The following DLGAP1 variants were observed in gnomAD, a reference collection of about 807,000 sequenced individuals.
DLGAP1 encodes DLG associated protein 1.
DLGAP1 carries 11 observed loss-of-function variants against 90.8 expected under a neutral mutation model. The observed-to-expected ratio is 0.12, with a 90% CI of 0.08 to 0.20. DLGAP1 has a LOEUF of 0.20. Among genes scored for constraint, DLGAP1 ranks in the 10% least tolerant of loss-of-function variants. The pLI is 1.00. For missense variants in DLGAP1, 1,050 were observed against 1,333.8 expected, an observed-to-expected ratio of 0.79 and a Z score of 3.31; for synonymous variants, 558 against 540.7, an observed-to-expected ratio of 1.03 and a Z score of -0.44.
At position 4,455,272 on chromosome 18, in the gene DLGAP1, C is replaced by G. The variant is rs1203511495; in HGVS notation, c.-533G>C. The G allele has an allele frequency of 6.6e-6, 1 of 152,560 alleles. No homozygotes were observed. The highest frequency in any genetic ancestry group is 1.5e-5 in the Non-Finnish European group (1 of 68,606). The allele number at this position is 152,560 out of a possible 1,614,324, so 9.5% of individuals were successfully genotyped here. A position where few individuals can be genotyped will look rare whatever the true frequency, so the allele number is the denominator to read the frequency against. ...TCGCCTCTGGAGCGGAGGCTGAGCG[C>G]CGGGACGCGGCGGGCTGGGGCTGCA... On this transcript the variant is annotated 5_prime_UTR_variant, in exon 1 of 13. Transcript: ENST00000315677.
At chr18:3,643,850 G>C (rs2059027705) in intron 7 of DLGAP1, among the ~76,000 whole-genome samples, 2 of 152,088 alleles carry the variant, frequency 1.3e-5, no homozygotes, top group Non-Finnish European at 2.9e-5. Flanking sequence ...CAACAGTGCT[G>C]GTGGCACTCC....
chr18:4,038,683 A>G (rs1202869227), intron 2 of DLGAP1, among the ~76,000 whole-genome samples: 1 of 152,074 alleles, frequency 6.6e-6, no homozygotes, highest in African/African-American at 2.4e-5. Flanking sequence ...TATTTTCAAA[A>G]TATGTTCTGG....
intron 3 of DLGAP1, among the ~76,000 whole-genome samples, chr18:3,893,867 C>T (rs1448761306): frequency 2.6e-5 from 4 of 152,152 alleles, no homozygotes; most frequent in African/African-American, 9.6e-5. Flanking sequence ...TTCTCCATAT[C>T]CTTGCCAACG....
At chr18:4,127,093 A>T (rs2076244011) in intron 2 of DLGAP1, among the ~76,000 whole-genome samples, 1 of 152,192 alleles carries the variant, frequency 6.6e-6, no homozygotes, top group African/African-American at 2.4e-5. Context: ...AAGAATAACT[A>T]TATCATTTCA....
intron 8 of DLGAP1, among the ~76,000 whole-genome samples, chr18:3,574,474 T>A (rs2145251183): frequency 6.6e-6 from 1 of 152,332 alleles, no homozygotes; most frequent in African/African-American, 2.4e-5. Context: ...TATTTAGATG[T>A]TTTAATATTT....
At chr18:4,215,160 G>A (rs1038273056) in intron 1 of DLGAP1, among the ~76,000 whole-genome samples, 1 of 152,048 alleles carries the variant, frequency 6.6e-6, no homozygotes, top group African/African-American at 2.4e-5. Context: ...ATAGAGCCAA[G>A]AAAGTGATAA....
chr18:3,675,806 G>C (rs1477570009), intron 7 of DLGAP1, among the ~76,000 whole-genome samples: 2 of 152,128 alleles, frequency 1.3e-5, no homozygotes, highest in South Asian at 4.1e-4. Context: ...CTCCTTTGTA[G>C]CATTTGCTGT....
chr18:4,413,538 C>G (rs555570559), intron 1 of DLGAP1, among the ~76,000 whole-genome samples: 3 of 152,180 alleles, frequency 2.0e-5, no homozygotes, highest in Admixed American at 1.3e-4. Context: ...TATTCTGCCA[C>G]GAGGGCTCCC....
chr18:4,039,719 C>T (rs1352534144), intron 2 of DLGAP1, among the ~76,000 whole-genome samples: 1 of 152,102 alleles, frequency 6.6e-6, no homozygotes, highest in Non-Finnish European at 1.5e-5. Flanking sequence ...GGTGATAACA[C>T]TAACTTATTT....
chr18:3,524,212 C>G (rs1046650534), intron 10 of DLGAP1, among the ~76,000 whole-genome samples: 3 of 151,572 alleles, frequency 2.0e-5, no homozygotes, highest in Non-Finnish European at 4.4e-5. Flanking sequence ...GCAGTTAAGT[C>G]TGCAGTAAGC....
chr18:3,751,179 C>T (rs554319139), intron 5 of DLGAP1, among the ~76,000 whole-genome samples: 5 of 152,216 alleles, frequency 3.3e-5, no homozygotes, highest in Admixed American at 1.3e-4. Context: ...TCCTTTATGC[C>T]GGGCACTGTC....
intron 9 of DLGAP1, among the ~76,000 whole-genome samples, chr18:3,557,922 C>T (rs570388717): frequency 4.7e-5 from 7 of 149,984 alleles, no homozygotes; most frequent in East Asian, 3.9e-4. Flanking sequence ...AGTGAGACTT[C>T]GTCTCACAAA....
intron 7 of DLGAP1, among the ~76,000 whole-genome samples, chr18:3,674,343 G>A (rs1296412387): frequency 6.9e-6 from 1 of 145,580 alleles, no homozygotes; most frequent in Non-Finnish European, 1.5e-5. Flanking sequence ...CCATGGCCAA[G>A]TGTGGTGGCT....
intron 7 of DLGAP1, among the ~76,000 whole-genome samples, chr18:3,613,653 C>T (rs1316770733): frequency 6.6e-6 from 1 of 152,170 alleles, no homozygotes; most frequent in African/African-American, 2.4e-5. Flanking sequence ...CCCACAGTGT[C>T]CAGTGCCCAG....
At chr18:4,293,389 T>C (rs1027489429) in intron 1 of DLGAP1, 8 of 152,246 alleles carry the variant, frequency 5.3e-5, no homozygotes, top group African/African-American at 1.9e-4. Context: ...AATTCAATGA[T>C]ATTAGTAGAG....
At chr18:4,242,089 A>G (rs1285388859) in intron 1 of DLGAP1, among the ~76,000 whole-genome samples, 1 of 152,134 alleles carries the variant, frequency 6.6e-6, no homozygotes, top group African/African-American at 2.4e-5. Flanking sequence ...TCTGCTTCTC[A>G]AAAGCAGTTC....
chr18:3,714,317 A>G (rs1162090872), intron 7 of DLGAP1, among the ~76,000 whole-genome samples: 2 of 152,128 alleles, frequency 1.3e-5, no homozygotes, highest in East Asian at 1.9e-4. Context: ...TACAAACTAC[A>G]TGCTGTTTTG....
intron 5 of DLGAP1, among the ~76,000 whole-genome samples, chr18:3,760,721 A>G (rs986119266): frequency 6.6e-6 from 1 of 152,322 alleles, no homozygotes; most frequent in Admixed American, 6.5e-5. Context: ...AATCCTTTGC[A>G]TTGCCTCAAA....
chr18:3,903,071 GTACTCTCT>G (rs1264509579), intron 3 of DLGAP1, among the ~76,000 whole-genome samples: 1 of 152,114 alleles, frequency 6.6e-6, no homozygotes, highest in African/African-American at 2.4e-5. Flanking sequence ...TTAGCGCCCT[GTACTCTCT>G]TTTCAATTGC....
Sources: allele counts gnomAD v4.1 joint callset (sites outside exome capture counted in the v4.1 genomes callset), GRCh38; gene constraint gnomAD v4.1.1; transcripts MANE v1.5; gene names NCBI Gene and HGNC (gene_info 2026-07-23, HGNC 2026-07-21).